The following DPP10 variants were observed in gnomAD, a reference collection of about 807,000 sequenced individuals.
The protein encoded by DPP10 is inactive dipeptidyl peptidase 10.
DPP10 carries 33 observed loss-of-function variants against 120.9 expected under a neutral mutation model. The observed-to-expected ratio is 0.27, with a 90% CI of 0.21 to 0.37. The LOEUF is 0.37. Ranked by LOEUF, DPP10 falls within the 10% of genes least tolerant of loss-of-function variation. The pLI is 1.00. For synonymous variants in DPP10, 337 were observed against 326.1 expected, an observed-to-expected ratio of 1.03 and a Z score of -0.36; for missense variants, 816 against 942.8, an observed-to-expected ratio of 0.87 and a Z score of 1.76.
intron 5 of DPP10, among the ~76,000 whole-genome samples, chr2:115,580,657 T>A (rs2081956875): frequency 6.6e-6 from 1 of 152,184 alleles, no homozygotes; most frequent in Non-Finnish European, 1.5e-5. Context: ...TTAATCATGA[T>A]ATTAATAAAT....
At chr2:115,149,805 G>A (rs868574168) in intron 1 of DPP10, among the ~76,000 whole-genome samples, 2 of 152,070 alleles carry the variant, frequency 1.3e-5, no homozygotes, top group Non-Finnish European at 2.9e-5. Flanking sequence ...TCACCTACTT[G>A]GGACATACTT....
At chr2:115,152,612 A>G (rs896524639) in intron 1 of DPP10, among the ~76,000 whole-genome samples, 6 of 152,200 alleles carry the variant, frequency 3.9e-5, no homozygotes, top group Admixed American at 3.3e-4. Flanking sequence ...GTTTACCTGG[A>G]AACAGGTTTG....
intron 1 of DPP10, among the ~76,000 whole-genome samples, chr2:115,029,095 G>A (rs1286837447): frequency 6.6e-6 from 1 of 151,870 alleles, no homozygotes; most frequent in Non-Finnish European, 1.5e-5. Flanking sequence ...TTGCTATTTT[G>A]TTGCTTATTT....
At chr2:115,733,224 T>A (rs902453563) in intron 8 of DPP10, among the ~76,000 whole-genome samples, 3 of 152,212 alleles carry the variant, frequency 2.0e-5, no homozygotes, top group Non-Finnish European at 4.4e-5. Context: ...TTCACCTTCA[T>A]GTTTGTTTCA....
At position 115,746,089 on chromosome 2, in the gene DPP10, G is replaced by A; in HGVS notation, c.856G>A (p.Gly286Ser). The A allele has an allele frequency of 6.2e-7, 1 of 1,604,146 alleles. No homozygotes were observed. Among genetic ancestry groups the A allele is most frequent in the South Asian group, 1.1e-5 (1 of 88,854 alleles). The change falls in exon 10 of 26, where the codon GGT (glycine) becomes AGT (serine). Residue 286 changes from glycine (G) to serine (S), a missense_variant. Gly to Ser is a moderately conservative substitution (Grantham distance 56). Transcript: ENST00000410059. ...TACAACTTTCATTTTCTCAAAGGCA[G>A]GTCAAGTGAACCCAACAATAAAATT... Reference protein sequence around the residue: ...KGKQYPYPKAGQVNPTIKLYV... With the variant: ...KGKQYPYPKASQVNPTIKLYV...
intron 3 of DPP10, among the ~76,000 whole-genome samples, chr2:115,466,375 C>T (rs1161305757): frequency 6.6e-6 from 1 of 152,076 alleles, no homozygotes; most frequent in Non-Finnish European, 1.5e-5. Context: ...GAGAAATGTT[C>T]TAATAGAGTC....
At chr2:115,478,807 A>G (rs978718768) in intron 3 of DPP10, among the ~76,000 whole-genome samples, 6 of 152,318 alleles carry the variant, frequency 3.9e-5, no homozygotes, top group South Asian at 2.1e-4. Flanking sequence ...AAGATGCTCA[A>G]TGTCACTAAT....
At chr2:114,476,262 T>C (rs1487207423) in intron 1 of DPP10, among the ~76,000 whole-genome samples, 1 of 152,206 alleles carries the variant, frequency 6.6e-6, no homozygotes, top group Non-Finnish European at 1.5e-5. Context: ...AAAGAAAGCA[T>C]ACTGTAATCA....
At chr2:115,028,884 A>G (rs1703652137) in intron 1 of DPP10, among the ~76,000 whole-genome samples, 1 of 151,922 alleles carries the variant, frequency 6.6e-6, no homozygotes, top group Admixed American at 6.6e-5. Context: ...TATTTCTGCT[A>G]TTTTTGGTTT....
chr2:114,551,311 C>G (rs139649198), intron 1 of DPP10, among the ~76,000 whole-genome samples: 4 of 152,164 alleles, frequency 2.6e-5, no homozygotes, highest in Non-Finnish European at 4.4e-5. Flanking sequence ...CCGCTGCCCC[C>G]CTGCCTGAAA....
chr2:114,467,985 C>T (rs190816236), intron 1 of DPP10, among the ~76,000 whole-genome samples: 40 of 152,292 alleles, frequency 2.6e-4, no homozygotes, highest in African/African-American at 8.4e-4. Context: ...GCAGCCACTG[C>T]ACTTCAGTTG....
At chr2:114,683,588 CTTTT>C (rs111997133) in intron 1 of DPP10, among the ~76,000 whole-genome samples, 68,861 of 143,530 alleles carry the variant, frequency 0.48, 16,123 homozygotes, top group South Asian at 0.61. Flanking sequence ...CTCTCTTTTT[CTTTT>C]TTTCTTTCTT....
chr2:115,310,493 G>A (rs867861272), intron 2 of DPP10, among the ~76,000 whole-genome samples: 7 of 152,132 alleles, frequency 4.6e-5, no homozygotes, highest in Admixed American at 1.3e-4. Flanking sequence ...GCAGTTTTTA[G>A]ATGTTAGTTA....
chr2:115,383,609 G>A (rs2066607495), intron 3 of DPP10, among the ~76,000 whole-genome samples: 1 of 152,098 alleles, frequency 6.6e-6, no homozygotes. Context: ...CCTGAGAAAT[G>A]TCCTAATTTT....
intron 7 of DPP10, among the ~76,000 whole-genome samples, chr2:115,713,218 G>A (rs2092388412): frequency 6.6e-6 from 1 of 152,116 alleles, no homozygotes; most frequent in Non-Finnish European, 1.5e-5. Flanking sequence ...ATGAGAGAGG[G>A]CAGCTGGAAA....
chr2:115,619,419 G>A (rs1018155418), intron 5 of DPP10, among the ~76,000 whole-genome samples: 15 of 151,964 alleles, frequency 9.9e-5, no homozygotes, highest in South Asian at 6.2e-4. Context: ...TTAGTTCCCC[G>A]CTTAAAATGC....
chr2:115,760,741 T>C (rs1680011610), intron 11 of DPP10, among the ~76,000 whole-genome samples: 1 of 152,200 alleles, frequency 6.6e-6, no homozygotes, highest in Admixed American at 6.5e-5. Context: ...CTAGAATTTC[T>C]CCACGTATTT....
chr2:115,691,686 A>G (rs935291315), intron 7 of DPP10, among the ~76,000 whole-genome samples: 1 of 152,060 alleles, frequency 6.6e-6, no homozygotes, highest in Non-Finnish European at 1.5e-5. Context: ...GAATGTCACA[A>G]TTGTCTTTCA....
chr2:115,771,265 G>A (rs1681433814), intron 13 of DPP10, among the ~76,000 whole-genome samples: 1 of 151,810 alleles, frequency 6.6e-6, no homozygotes, highest in African/African-American at 2.4e-5. Context: ...AGTAGAGGCG[G>A]GTTTCACCGT....
Sources: gnomAD v4.1 joint callset for allele counts (sites outside exome capture counted in the v4.1 genomes callset) on GRCh38, gnomAD v4.1.1 for gene constraint, MANE v1.5 for transcripts, NCBI Gene and HGNC (gene_info 2026-07-23, HGNC 2026-07-21) for gene names.